Variants in CACNA1D observed in about 807,000 individuals in gnomAD.
The protein encoded by CACNA1D is calcium voltage-gated channel subunit alpha1 D.
A neutral mutation model predicts 257.1 loss-of-function variants in CACNA1D; 55 were observed. That is an observed-to-expected ratio of 0.21 (90% CI 0.17 to 0.27). The LOEUF is 0.27. CACNA1D is among the 10% of genes least tolerant of loss of function. CACNA1D has a pLI of 1.00. For synonymous variants in CACNA1D, 980 were observed against 1,014.9 expected (o/e 0.97, Z 0.65); for missense variants, 1,876 against 2,784.0 (o/e 0.67, Z 7.34).
At chr3:53,787,174 C>G (rs2095458434) in intron 40 of CACNA1D, among the ~76,000 whole-genome samples, 1 of 152,136 alleles carries the variant, frequency 6.6e-6, no homozygotes, top group Non-Finnish European at 1.5e-5. Context: ...CCTGCCACTA[C>G]CCACGCGGCA....
Position 53,743,132 on chromosome 3 carries a change from G to A in CACNA1D, c.2918+15G>A, listed in dbSNP as rs1167073769. 2 of 1,503,376 alleles carry A rather than the reference G, an allele frequency of 1.3e-6. No homozygotes were observed. The highest frequency in any genetic ancestry group is 2.3e-5 in the East Asian group (1 of 44,352). 93.1% of individuals were successfully genotyped at this position (1,503,376 alleles called of 1,614,324 possible). A position where few individuals can be genotyped will look rare whatever the true frequency, so the allele number is the denominator to read the frequency against. Reference sequence around the variant, plus strand: ...TTTGGGATTCAGTAAGTATTCTGGGGTGTGTGCCCAGAATTGTTGGGCTGA... The same window carrying A: ...TTTGGGATTCAGTAAGTATTCTGGGATGTGTGCCCAGAATTGTTGGGCTGA... On this transcript the variant is annotated intron_variant, in intron 22 of 47. Transcript: ENST00000350061.
At chr3:53,623,129 C>T (rs1384176539) in intron 3 of CACNA1D, among the ~76,000 whole-genome samples, 1 of 152,208 alleles carries the variant, frequency 6.6e-6, no homozygotes, top group Non-Finnish European at 1.5e-5. Context: ...ACCTCGTGAT[C>T]AGCCGGTCTT....
intron 3 of CACNA1D, among the ~76,000 whole-genome samples, chr3:53,555,970 G>A (rs2092638092): frequency 6.6e-6 from 1 of 152,126 alleles, no homozygotes; most frequent in Non-Finnish European, 1.5e-5. Context: ...CCTGCCTCTT[G>A]TAGTCCTATT....
Position 53,800,756 on chromosome 3 carries a change from G to A in CACNA1D, c.5041-302G>A, listed in dbSNP as rs1431887362. 3 of 520,346 alleles carry A rather than the reference G, an allele frequency of 5.8e-6. No homozygotes were observed. Among genetic ancestry groups the A allele is most frequent in the African/African-American group, 1.9e-5 (1 of 52,216 alleles). 32.2% of individuals were successfully genotyped at this position (520,346 alleles called of 1,614,324 possible). A position where few individuals can be genotyped will look rare whatever the true frequency, so the allele number is the denominator to read the frequency against. Reference sequence around the variant, plus strand: ...GCCCAGAGAGCATGCCCAACCTTGGGGCCACCAGCCAGCCCAGCTGGGTAT... The same window carrying A: ...GCCCAGAGAGCATGCCCAACCTTGGAGCCACCAGCCAGCCCAGCTGGGTAT... On this transcript the variant is annotated intron_variant, in intron 41 of 47. Transcript: ENST00000350061. The surrounding 1 kb of genome is among the most constrained non-coding windows in gnomAD (Gnocchi z 4.3).
chr3:53,760,434 T>C (rs936278889), intron 29 of CACNA1D, among the ~76,000 whole-genome samples: 2 of 152,228 alleles, frequency 1.3e-5, no homozygotes, highest in Admixed American at 6.5e-5. Flanking sequence ...ATGTACCCCG[T>C]TGTAAACAGG....
At chr3:53,754,032 TTG>T (rs1281772096) in intron 29 of CACNA1D, among the ~76,000 whole-genome samples, 3 of 152,246 alleles carry the variant, frequency 2.0e-5, no homozygotes, top group Non-Finnish European at 2.9e-5. Context: ...GAGAAAATGT[TTG>T]AACATAACCC....
chr3:53,749,053 CGAT>C, intron 26 of CACNA1D: 1 of 691,172 alleles, frequency 1.4e-6, no homozygotes, highest in Non-Finnish European at 2.6e-6. Flanking sequence ...AACAGTCCCT[CGAT>C]GATGATATCC....
At chr3:53,762,923 G>A (rs1290273579) in intron 30 of CACNA1D, among the ~76,000 whole-genome samples, 1 of 152,244 alleles carries the variant, frequency 6.6e-6, no homozygotes, top group East Asian at 1.9e-4. Flanking sequence ...GTGTCCGTGT[G>A]AATGTTGTCA....
chr3:53,705,183 G>A (rs140657052), intron 9 of CACNA1D, among the ~76,000 whole-genome samples: 269 of 152,248 alleles, frequency 1.8e-3, no homozygotes, highest in African/African-American at 6.1e-3. Flanking sequence ...CCAGGAGGGC[G>A]CGATGATTCT....
chr3:53,800,177 C>A lies in CACNA1D; in HGVS notation c.4924-72C>A. 1 of 1,092,318 alleles carries A rather than the reference C, an allele frequency of 9.2e-7. No individual in the cohort carries two copies. Among genetic ancestry groups the A allele is most frequent in the Non-Finnish European group, 1.4e-6 (1 of 703,802 alleles). 67.7% of individuals were successfully genotyped at this position (1,092,318 alleles called of 1,614,324 possible). A position where few individuals can be genotyped will look rare whatever the true frequency, so the allele number is the denominator to read the frequency against. On this transcript the variant is annotated intron_variant, in intron 40 of 47. Transcript: ENST00000350061. This position sits in a 1 kb window ranked among gnomAD's most constrained non-coding sequence, Gnocchi z 4.3. ...TCCCCACCGCTGAATCAGGAAGGAG[C>A]AAAGCCAGGACCCAGGCTGGCCCCA...
chr3:53,811,368 G>A lies in CACNA1D; in HGVS notation c.6448G>A (p.Asp2150Asn). ...EEPDPGRDEE[D>N]LADEMICITT... ...GCCAGACCCTGGGAGGGATGAGGAG[G>A]ACCTGGCGGATGAAATGATATGCAT... Residue 2150 changes from aspartate to asparagine, a missense_variant, in exon 48 of 48, where the codon GAC becomes AAC. Asp to Asn is a conservative substitution (Grantham distance 23). This residue lies in a region of CACNA1D where 491 missense variants were observed against 554.3 expected (regional missense o/e 0.89). Coordinates refer to ENST00000350061, the MANE Select transcript of CACNA1D (RefSeq NM_001128840.3). The surrounding 1 kb of genome is among the most constrained non-coding windows in gnomAD (Gnocchi z 4.2). The A allele has an allele frequency of 6.3e-7, 1 of 1,585,408 alleles. No homozygotes were observed. The highest frequency in any genetic ancestry group is 8.6e-7 in the Non-Finnish European group (1 of 1,162,590).
chr3:53,749,771 T>A (rs1170358895), intron 27 of CACNA1D, among the ~76,000 whole-genome samples: 2 of 152,230 alleles, frequency 1.3e-5, no homozygotes, highest in African/African-American at 4.8e-5. Context: ...AGAATCTTAG[T>A]TGGGGTGCTG....
chr3:53,506,962 A>G (rs912494742), intron 3 of CACNA1D, among the ~76,000 whole-genome samples: 1 of 147,874 alleles, frequency 6.8e-6, no homozygotes, highest in African/African-American at 2.5e-5. Context: ...AGTCCCAGCT[A>G]TGTGGGAGGC....
At chr3:53,668,787 A>G (rs755964310) in intron 7 of CACNA1D, among the ~76,000 whole-genome samples, 1 of 152,258 alleles carries the variant, frequency 6.6e-6, no homozygotes, top group Non-Finnish European at 1.5e-5. Context: ...TGGGCAATAC[A>G]TAAGCAAATG....
At chr3:53,602,539 T>C (rs1359174624) in intron 3 of CACNA1D, among the ~76,000 whole-genome samples, 1 of 152,246 alleles carries the variant, frequency 6.6e-6, no homozygotes, top group Non-Finnish European at 1.5e-5. Context: ...CATACAGTTT[T>C]CCATAGTGCT....
At chr3:53,782,318 T>C (rs1029117548) in intron 39 of CACNA1D, 13 of 145,372 alleles carry the variant, frequency 8.9e-5, no homozygotes, top group Non-Finnish European at 1.9e-4. Flanking sequence ...CATTTTTATT[T>C]AAGTACATGT....
chr3:53,513,440 G>T (rs1005227619), intron 3 of CACNA1D, among the ~76,000 whole-genome samples: 1 of 152,084 alleles, frequency 6.6e-6, no homozygotes, highest in African/African-American at 2.4e-5. Flanking sequence ...TCAGGAGTTC[G>T]AGACCAGCTG....
chr3:53,558,675 A>G (rs2092686880), intron 3 of CACNA1D, among the ~76,000 whole-genome samples: 2 of 152,188 alleles, frequency 1.3e-5, no homozygotes, highest in Non-Finnish European at 1.5e-5. Flanking sequence ...TCAGCACTTT[A>G]TCAGAATTGT....
intron 3 of CACNA1D, among the ~76,000 whole-genome samples, chr3:53,570,590 G>A (rs187782122): frequency 3.3e-5 from 5 of 152,298 alleles, no homozygotes; most frequent in Admixed American, 1.3e-4. Context: ...ATCTTCTTAG[G>A]GAAAGGATTG....
Sources: allele counts gnomAD v4.1 joint callset (sites outside exome capture counted in the v4.1 genomes callset), GRCh38; gene constraint gnomAD v4.1.1; regional missense constraint gnomAD v4.1.1; non-coding constraint Gnocchi (gnomAD v3.1); transcripts MANE v1.5; gene names NCBI Gene and HGNC (gene_info 2026-07-23, HGNC 2026-07-21).